STAC: variants seen among roughly 807,000 people sequenced by gnomAD.
STAC encodes SH3 and cysteine rich domain, also known as SH3 and cysteine-rich domain-containing protein.
In STAC, 43 loss-of-function variants were observed where a neutral mutation model predicts 48.8. The ratio of observed to expected loss-of-function variants is 0.88; its 90% CI spans 0.69 to 1.14. The LOEUF (loss-of-function observed/expected upper bound fraction) is 1.14. STAC is among the 50% of genes most tolerant of loss of function. The pLI is 0.00. For synonymous variants in STAC, 193 were observed against 179.5 expected (o/e 1.07, Z -0.60); for missense variants, 497 against 504.0 (o/e 0.99, Z 0.13).
At chr3:36,397,855 T>G (rs1311071773) in intron 1 of STAC, among the ~76,000 whole-genome samples, 1 of 152,214 alleles carries the variant, frequency 6.6e-6, no homozygotes, top group Non-Finnish European at 1.5e-5. Context: ...TAGGATTATT[T>G]TGGCAAAGTT....
At chr3:36,412,521 G>A (rs996625080) in intron 1 of STAC, among the ~76,000 whole-genome samples, 19 of 151,972 alleles carry the variant, frequency 1.3e-4, no homozygotes, top group African/African-American at 3.9e-4. Context: ...AAAGCCTTTC[G>A]GGGGAAAAAA....
chr3:36,458,576 C>T (rs561021782), intron 2 of STAC, among the ~76,000 whole-genome samples: 4 of 152,074 alleles, frequency 2.6e-5, no homozygotes, highest in African/African-American at 7.2e-5. Context: ...TCCAGCTCTG[C>T]GTGAAGGAAC....
At chr3:36,495,078 T>G (rs1559513326) in intron 6 of STAC, among the ~76,000 whole-genome samples, 1 of 152,208 alleles carries the variant, frequency 6.6e-6, no homozygotes, top group Non-Finnish European at 1.5e-5. Flanking sequence ...GGCCCATTGT[T>G]GCTCTGGAAG....
chr3:36,504,829 G>A (rs574120720), intron 7 of STAC, among the ~76,000 whole-genome samples: 1 of 151,978 alleles, frequency 6.6e-6, no homozygotes, highest in South Asian at 2.1e-4. Flanking sequence ...AGAGCAGAGT[G>A]AATTATAGAT....
intron 2 of STAC, among the ~76,000 whole-genome samples, chr3:36,469,457 G>C (rs947557726): frequency 2.0e-5 from 3 of 152,180 alleles, no homozygotes; most frequent in African/African-American, 4.8e-5. Context: ...GAAATCTGCT[G>C]TTAATCTGAT....
At chr3:36,398,374 AAG>A (rs1292910835) in intron 1 of STAC, among the ~76,000 whole-genome samples, 8 of 140,872 alleles carry the variant, frequency 5.7e-5, no homozygotes, top group African/African-American at 2.1e-4. Flanking sequence ...AAAGAAAAGA[AAG>A]AGAGAAAGAA....
At chr3:36,430,556 A>G (rs1700676007) in intron 1 of STAC, among the ~76,000 whole-genome samples, 1 of 152,252 alleles carries the variant, frequency 6.6e-6, no homozygotes, top group Admixed American at 6.5e-5. Flanking sequence ...GAAATACTAC[A>G]GAAATATCCT....
At chr3:36,507,040 A>C (rs897225741) in intron 8 of STAC, among the ~76,000 whole-genome samples, 1 of 152,214 alleles carries the variant, frequency 6.6e-6, no homozygotes, top group South Asian at 2.1e-4. Flanking sequence ...TTGCCCATTC[A>C]GTATGATATT....
intron 5 of STAC, among the ~76,000 whole-genome samples, chr3:36,490,139 C>G (rs1559511370): frequency 6.6e-6 from 1 of 152,178 alleles, no homozygotes; most frequent in East Asian, 1.9e-4. Context: ...GCTCTTACTC[C>G]CTCTCTGTGT....
At position 36,443,851 on chromosome 3, in the gene STAC, T is replaced by C. The variant is rs903633731; in HGVS notation, c.388+211T>C. On this transcript the variant is annotated intron_variant, in intron 2 of 10. Coordinates refer to ENST00000273183, the MANE Select transcript of STAC (RefSeq NM_003149.3). The surrounding 1 kb of genome is among the most constrained non-coding windows in gnomAD (Gnocchi z 4.2). ...TGGGAGAAGTTGGGTTGTGATATAG[T>C]TGTAATCAGGACTTCAGCTGATCCC... Among the ~76,000 whole-genome samples, 3 of 152,180 alleles carry C rather than the reference T, an allele frequency of 2.0e-5. No homozygotes were observed. Among genetic ancestry groups the C allele is most frequent in the African/African-American group, 7.2e-5 (3 of 41,436 alleles).
intron 1 of STAC, among the ~76,000 whole-genome samples, chr3:36,397,153 T>C (rs951399339): frequency 6.6e-6 from 1 of 152,220 alleles, no homozygotes; most frequent in Non-Finnish European, 1.5e-5. Flanking sequence ...TTCAGACTTT[T>C]TGTTTATATT....
intron 5 of STAC, among the ~76,000 whole-genome samples, chr3:36,489,203 T>C (rs991584716): frequency 6.6e-6 from 1 of 152,178 alleles, no homozygotes; most frequent in African/African-American, 2.4e-5. Flanking sequence ...GAGTATCTAG[T>C]GAGTATCTAG....
chr3:36,535,040 T>C (rs749635043), intron 10 of STAC, among the ~76,000 whole-genome samples: 1 of 152,194 alleles, frequency 6.6e-6, no homozygotes, highest in Non-Finnish European at 1.5e-5. Context: ...GGGAATAACA[T>C]TGAATCTATA....
chr3:36,531,770 C>T (rs142548460), intron 10 of STAC, among the ~76,000 whole-genome samples: 1 of 152,044 alleles, frequency 6.6e-6, no homozygotes, highest in Admixed American at 6.6e-5. Flanking sequence ...AGTGAGAAAC[C>T]CCTGGCACCT....
intron 2 of STAC, among the ~76,000 whole-genome samples, chr3:36,463,567 G>A (rs1697079636): frequency 6.6e-6 from 1 of 151,164 alleles, no homozygotes; most frequent in African/African-American, 2.4e-5. Flanking sequence ...ACATCGTGCA[G>A]GTTAGTTACA....
chr3:36,417,959 C>A (rs1700357842), intron 1 of STAC, among the ~76,000 whole-genome samples: 1 of 152,084 alleles, frequency 6.6e-6, no homozygotes, highest in Non-Finnish European at 1.5e-5. Flanking sequence ...TTTTTTAAGG[C>A]CAAATATTCA....
At chr3:36,507,158 T>C (rs1276307064) in intron 8 of STAC, among the ~76,000 whole-genome samples, 2 of 152,248 alleles carry the variant, frequency 1.3e-5, no homozygotes, top group Non-Finnish European at 2.9e-5. Flanking sequence ...GAAGGCTTTT[T>C]CTGCATCTAT....
At chr3:36,469,193 T>G (rs1258194818) in intron 2 of STAC, among the ~76,000 whole-genome samples, 2 of 152,146 alleles carry the variant, frequency 1.3e-5, no homozygotes, top group Non-Finnish European at 2.9e-5. Flanking sequence ...CTGTGAGATT[T>G]ATGATGTAAG....
intron 3 of STAC, 85 bp from the exon 4 acceptor site, chr3:36,484,892 C>A: frequency 9.2e-7 from 1 of 1,083,128 alleles, no homozygotes; most frequent in Non-Finnish European, 1.3e-6. Context: ...CTGGAGAAAC[C>A]AATTGGTTTT....
Sources: allele counts gnomAD v4.1 joint callset (sites outside exome capture counted in the v4.1 genomes callset), GRCh38; gene constraint gnomAD v4.1.1; non-coding constraint Gnocchi (gnomAD v3.1); transcripts MANE v1.5; gene names NCBI Gene and HGNC (gene_info 2026-07-23, HGNC 2026-07-21).